The following ZNF506 variants were observed in gnomAD, a reference collection of about 807,000 sequenced individuals.
The protein encoded by ZNF506 is zinc finger protein 506.
Under a neutral mutation model 11.6 loss-of-function variants are expected in ZNF506, and 10 were observed. The observed-to-expected ratio is 0.86, with a 90% CI of 0.53 to 1.46. The LOEUF is 1.46. ZNF506 is among the 40% of genes most tolerant of loss of function. The probability of loss-of-function intolerance (pLI) is 0.00; values close to 1 mark genes in which losing one functional copy is unlikely to be tolerated. For missense variants in ZNF506, 425 were observed against 521.2 expected (o/e 0.82, Z 1.80); for synonymous variants, 156 against 173.3 (o/e 0.90, Z 0.78).
chr19:19,814,491 TAAC>T (rs915416675), intron 1 of ZNF506, among the ~76,000 whole-genome samples: 6 of 151,634 alleles, frequency 4.0e-5, no homozygotes, highest in Admixed American at 4.0e-4. Flanking sequence ...AGCTAAATAA[TAAC>T]AACACATGAA....
At chr19:19,814,179 G>C (rs140547302) in intron 1 of ZNF506, among the ~76,000 whole-genome samples, 10 of 151,816 alleles carry the variant, frequency 6.6e-5, no homozygotes, top group Non-Finnish European at 7.4e-5. Context: ...GAGGCCAAGG[G>C]GGGTGGATCA....
intron 3 of ZNF506, chr19:19,797,601 T>A (rs1489924911): frequency 1.3e-5 from 2 of 151,388 alleles, no homozygotes; most frequent in African/African-American, 4.9e-5. Flanking sequence ...AAGTGAAAAA[T>A]TTCTTAAAAG....
rs757160026 is a variant in ZNF506 at position 19,808,108 on chromosome 19, C to CTTTTTTTTTTTTTTTTTTTTTTT, written c.4-1063_4-1041dup. On this transcript the variant is annotated intron_variant, in intron 1 of 3. Transcript: ENST00000540806. Reference sequence around the variant, plus strand: ...ACTTAACCAAGTGAATCATTAACCACTTTTTTTTTTTTTTTTTTTTTTTTT... The same window carrying CTTTTTTTTTTTTTTTTTTTTTTT: ...ACTTAACCAAGTGAATCATTAACCACTTTTTTTTTTTTTTTTTTTTTTTTTTTTTTTTTTTTTTTTTTTTTTTT... Among the ~76,000 whole-genome samples the CTTTTTTTTTTTTTTTTTTTTTTT allele has an allele frequency of 1.2e-4, 7 of 56,772 alleles. 2 individuals carry two copies. The highest frequency in any genetic ancestry group is 2.3e-4 in the African/African-American group (3 of 12,970). 37.2% of individuals were successfully genotyped at this position (56,772 alleles called of 152,430 possible). A position where few individuals can be genotyped will look rare whatever the true frequency, so the allele number is the denominator to read the frequency against.
intron 3 of ZNF506, chr19:19,798,687 G>A (rs1278985309): frequency 2.8e-5 from 4 of 141,676 alleles, no homozygotes; most frequent in African/African-American, 5.3e-5. Flanking sequence ...GAAAATATCC[G>A]TATAGATACA....
intron 1 of ZNF506, among the ~76,000 whole-genome samples, chr19:19,816,946 C>T (rs149794515): frequency 1.1e-4 from 16 of 149,474 alleles, no homozygotes; most frequent in African/African-American, 4.0e-4. Context: ...CTGCAACAGG[C>T]AGCACCACGC....
At chr19:19,797,816 T>A (rs897086244) in intron 3 of ZNF506, 4 of 152,280 alleles carry the variant, frequency 2.6e-5, no homozygotes, top group African/African-American at 9.6e-5. Context: ...CAAAAACATT[T>A]TTGTAGGTCA....
rs2062720048 is a variant in ZNF506, at chr19:19,794,372, T to C, written c.*180A>G. 6.5e-6 allele frequency: 4 copies of C among 616,788 alleles called. No homozygotes were observed. The East Asian group carries it at 8.9e-5, about 14-fold the overall frequency. The allele number at this position is 616,788 out of a possible 1,614,324, so 38.2% of individuals were successfully genotyped here. On this transcript the variant is annotated 3_prime_UTR_variant, in exon 4 of 4. Coordinates refer to ENST00000540806, the MANE Select transcript of ZNF506 (RefSeq NM_001099269.3). ...TGCCATATTCTTCACACTTGTAGGGTTTCTGTCCAGTATAAATTATGTGTA... is the reference window on the plus strand; with the variant it reads ...TGCCATATTCTTCACACTTGTAGGGCTTCTGTCCAGTATAAATTATGTGTA...
intron 2 of ZNF506, 38 bp downstream of exon 2, chr19:19,806,904 G>C: frequency 6.3e-7 from 1 of 1,593,430 alleles, no homozygotes; most frequent in Middle Eastern, 1.7e-4. Context: ...AAAACCTTTA[G>C]AGTAATATTA....
chr19:19,801,143 A>G (rs1000221153), intron 3 of ZNF506, among the ~76,000 whole-genome samples: 17 of 151,734 alleles, frequency 1.1e-4, no homozygotes, highest in African/African-American at 4.1e-4. Context: ...CTGGGCAACA[A>G]GAGCAAAACT....
chr19:19,807,632 G>A (rs560462463), intron 1 of ZNF506, among the ~76,000 whole-genome samples: 2 of 151,980 alleles, frequency 1.3e-5, no homozygotes, highest in African/African-American at 2.4e-5. Context: ...TCAGCCTCCC[G>A]AGTAGCTGGG....
chr19:19,821,689 G>C lies in ZNF506; in HGVS notation c.-86C>G, dbSNP rs929052106. ...CAGGGCCACAGAGGCTGGGCCTCTA[G>C]GAGCTGACGGCACAGAGCAGTGAAG... On this transcript the variant is annotated 5_prime_UTR_variant, in exon 1 of 4. Transcript: ENST00000540806. 4 of 1,524,494 alleles carry C rather than the reference G, an allele frequency of 2.6e-6. No homozygotes were observed. In the African/African-American group the frequency reaches 4.1e-5, roughly 16 times the overall value. The allele number at this position is 1,524,494 out of a possible 1,614,324, so 94.4% of individuals were successfully genotyped here.
intron 1 of ZNF506, among the ~76,000 whole-genome samples, chr19:19,817,328 G>A (rs2062940744): frequency 6.6e-6 from 1 of 152,068 alleles, no homozygotes; most frequent in Non-Finnish European, 1.5e-5. Flanking sequence ...CCCTAGGAAA[G>A]AAAGTGTTTT....
intron 3 of ZNF506, among the ~76,000 whole-genome samples, chr19:19,800,854 T>A (rs1424626064): frequency 2.0e-5 from 3 of 152,154 alleles, no homozygotes; most frequent in African/African-American, 7.2e-5. Context: ...ACTACTCACG[T>A]AGACAGGATT....
chr19:19,795,945 C>A, intron 3 of ZNF506: 1 of 377,122 alleles, frequency 2.7e-6, no homozygotes. Flanking sequence ...TTACTTATAC[C>A]CAACACAGCT....
chr19:19,816,782 A>G (rs2062935754), intron 1 of ZNF506, among the ~76,000 whole-genome samples: 1 of 144,236 alleles, frequency 6.9e-6, no homozygotes, highest in Non-Finnish European at 1.5e-5. Flanking sequence ...GGCGTGAGCC[A>G]CCAGCCTGGC....
At chr19:19,800,502 C>T (rs1165426139) in intron 3 of ZNF506, among the ~76,000 whole-genome samples, 1 of 150,602 alleles carries the variant, frequency 6.6e-6, no homozygotes, top group East Asian at 2.0e-4. Context: ...CTGCAATCTC[C>T]GCCTCCCAGG....
At chr19:19,810,652 T>C (rs1427404159) in intron 1 of ZNF506, among the ~76,000 whole-genome samples, 1 of 152,216 alleles carries the variant, frequency 6.6e-6, no homozygotes, top group East Asian at 1.9e-4. Flanking sequence ...TTTTATTCTA[T>C]TCATATTTAC....
At chr19:19,798,220 A>G (rs899948003) in intron 3 of ZNF506, 2 of 152,234 alleles carry the variant, frequency 1.3e-5, no homozygotes, top group Admixed American at 6.5e-5. Flanking sequence ...TATAATTAGT[A>G]AAATCAATAA....
intron 1 of ZNF506, among the ~76,000 whole-genome samples, chr19:19,814,237 C>T (rs964810221): frequency 4.0e-5 from 6 of 151,656 alleles, no homozygotes; most frequent in Non-Finnish European, 8.8e-5. Context: ...GGAGAAACCC[C>T]GTATCTACTA....
Sources: allele counts gnomAD v4.1 joint callset (sites outside exome capture counted in the v4.1 genomes callset), GRCh38; gene constraint gnomAD v4.1.1; transcripts MANE v1.5; gene names NCBI Gene and HGNC (gene_info 2026-07-23, HGNC 2026-07-21).